The following RAI1 variants were observed in gnomAD, a reference collection of about 807,000 sequenced individuals.
The protein encoded by RAI1 is retinoic acid-induced protein 1.
A neutral mutation model predicts 123.8 loss-of-function variants in RAI1; 9 were observed. The observed-to-expected ratio is 0.07, with a 90% CI of 0.04 to 0.13. The LOEUF (loss-of-function observed/expected upper bound fraction) is 0.13. RAI1 is among the 10% of genes least tolerant of loss of function. The pLI is 1.00. For synonymous variants in RAI1, 1,231 were observed against 1,127.3 expected (o/e 1.09, Z -1.84); for missense variants, 2,256 against 2,545.8 (o/e 0.89, Z 2.45).
rs151001882 is a variant in RAI1, at chr17:17,808,386, A to ATTATTTTATTTTATT, written c.5660-988_5660-974dup. On this transcript the variant is annotated intron_variant, in intron 4 of 5. Transcript: ENST00000353383. ...TTTATTTTATTTTATATTTTATTTT[A>ATTATTTTATTTTATT]TTATTTTATTTTATTTTATTTTATT... is the stretch of plus-strand genomic sequence containing the variant. Among the ~76,000 whole-genome samples the ATTATTTTATTTTATT allele has an allele frequency of 1.1e-3, 139 of 130,086 alleles. 9 individuals are homozygous for ATTATTTTATTTTATT. Among genetic ancestry groups the ATTATTTTATTTTATT allele is most frequent in the African/African-American group, 4.4e-3 (131 of 30,070 alleles). 85.3% of individuals were successfully genotyped at this position (130,086 alleles called of 152,430 possible). A position where few individuals can be genotyped will look rare whatever the true frequency, so the allele number is the denominator to read the frequency against.
chr17:17,770,532 C>T (rs1261160410), intron 2 of RAI1, among the ~76,000 whole-genome samples: 3 of 151,194 alleles, frequency 2.0e-5, no homozygotes, highest in East Asian at 2.0e-4. Context: ...TCTCACGCCC[C>T]GGCTGAGGCC....
intron 2 of RAI1, among the ~76,000 whole-genome samples, chr17:17,766,929 G>A (rs888129139): frequency 5.3e-5 from 8 of 151,874 alleles, no homozygotes; most frequent in Admixed American, 3.3e-4. Context: ...CATGGGTTGC[G>A]AGCAGGAGAG....
chr17:17,773,866 A>G (rs780828538), intron 2 of RAI1, among the ~76,000 whole-genome samples: 6 of 152,224 alleles, frequency 3.9e-5, no homozygotes, highest in Non-Finnish European at 8.8e-5. Flanking sequence ...CCCCATAGCC[A>G]TGAGTTATAA....
intron 2 of RAI1, among the ~76,000 whole-genome samples, chr17:17,758,501 G>C (rs2030542947): frequency 6.6e-6 from 1 of 152,230 alleles, no homozygotes; most frequent in African/African-American, 2.4e-5. Flanking sequence ...TTGTGAGATG[G>C]AGGACAGGAA....
At chr17:17,717,964 A>AG (rs1324727560) in intron 1 of RAI1, among the ~76,000 whole-genome samples, 2 of 152,192 alleles carry the variant, frequency 1.3e-5, no homozygotes, top group Admixed American at 6.5e-5. Flanking sequence ...GCAGTCAAGT[A>AG]GGGAAGGATG....
At position 17,795,782 on chromosome 17, in the gene RAI1, C is replaced by T; in HGVS notation, c.2834C>T (p.Ser945Phe). The T allele has an allele frequency of 6.2e-7, 1 of 1,613,666 alleles. No homozygotes were observed. Among genetic ancestry groups the T allele is most frequent in the Non-Finnish European group, 8.5e-7 (1 of 1,180,028 alleles). ...ESKVQSWFESSLSHMKPGEEG... is the reference protein window; with the variant it reads ...ESKVQSWFESFLSHMKPGEEG... Reference sequence around the variant, plus strand: ...AAGGTCCAGAGCTGGTTTGAGTCCTCTCTGTCACACATGAAGCCAGGTGAA... The same window carrying T: ...AAGGTCCAGAGCTGGTTTGAGTCCTTTCTGTCACACATGAAGCCAGGTGAA... The change falls in exon 3 of 6, where the codon TCT becomes TTT. Residue 945 changes from serine (S) to phenylalanine (F), a missense_variant. Transcript: ENST00000353383. The surrounding 1 kb of genome is among the most constrained non-coding windows in gnomAD (Gnocchi z 5.9).
chr17:17,723,820 C>T (rs1915975511), intron 1 of RAI1, among the ~76,000 whole-genome samples: 1 of 150,112 alleles, frequency 6.7e-6, no homozygotes, highest in African/African-American at 2.5e-5. Flanking sequence ...GATGCGGCCA[C>T]GGGGCCGTCT....
At chr17:17,727,803 G>A (rs1397355980) in intron 2 of RAI1, among the ~76,000 whole-genome samples, 1 of 152,132 alleles carries the variant, frequency 6.6e-6, no homozygotes, top group Non-Finnish European at 1.5e-5. Flanking sequence ...GGGGGATGGG[G>A]TGCACCTTAA....
intron 2 of RAI1, among the ~76,000 whole-genome samples, chr17:17,737,648 C>T (rs557539492): frequency 6.6e-6 from 1 of 152,306 alleles, no homozygotes; most frequent in East Asian, 1.9e-4. Flanking sequence ...ACCTTTCCTC[C>T]AGTCCCCCGC....
intron 1 of RAI1, among the ~76,000 whole-genome samples, chr17:17,709,140 T>A (rs1200736771): frequency 6.6e-6 from 1 of 151,988 alleles, no homozygotes; most frequent in Non-Finnish European, 1.5e-5. Flanking sequence ...ATTATGACAA[T>A]GATGACTGAT....
intron 2 of RAI1, among the ~76,000 whole-genome samples, chr17:17,747,181 C>A (rs2029958985): frequency 6.6e-6 from 1 of 152,174 alleles, no homozygotes; most frequent in South Asian, 2.1e-4. Flanking sequence ...GTCAGTGGAG[C>A]CTCATTTGGG....
intron 2 of RAI1, among the ~76,000 whole-genome samples, chr17:17,791,590 C>T (rs113935696): frequency 3.3e-5 from 5 of 152,372 alleles, no homozygotes; most frequent in African/African-American, 7.2e-5. Flanking sequence ...CCCCTATCCC[C>T]TCCTGGGGGC....
At chr17:17,723,417 C>T (rs906525555) in intron 1 of RAI1, among the ~76,000 whole-genome samples, 2 of 151,230 alleles carry the variant, frequency 1.3e-5, no homozygotes, top group African/African-American at 4.9e-5. Context: ...ACACACGGAC[C>T]TAAACGCACA....
chr17:17,802,602 C>T (rs1407506159), intron 3 of RAI1, among the ~76,000 whole-genome samples: 1 of 152,032 alleles, frequency 6.6e-6, no homozygotes, highest in Non-Finnish European at 1.5e-5. Context: ...CGGAGAAACC[C>T]CGTCTCTACT....
In RAI1 at chr17:17,810,338, T is replaced by G; in HGVS notation, c.*357T>G. 2.8e-6 allele frequency: 1 copy of G among 361,736 alleles called. No individual in the cohort carries two copies. The highest frequency in any genetic ancestry group is 5.0e-6 in the Non-Finnish European group (1 of 199,104). 22.4% of individuals were successfully genotyped at this position (361,736 alleles called of 1,614,324 possible). On this transcript the variant is annotated 3_prime_UTR_variant, in exon 6 of 6. Transcript: ENST00000353383. This position sits in a 1 kb window ranked among gnomAD's most constrained non-coding sequence, Gnocchi z 4.6. The stretch of plus-strand genomic sequence containing the variant: ...AGACGGCTTTGTCCTGGGGACACTT[T>G]CCCTCTGGAATCTCAAGACGACGTG...
intron 1 of RAI1, among the ~76,000 whole-genome samples, chr17:17,706,751 C>T (rs1915407213): frequency 6.6e-6 from 1 of 152,172 alleles, no homozygotes; most frequent in African/African-American, 2.4e-5. Context: ...GAGGGTGGGG[C>T]CTGCCCTGGG....
chr17:17,700,322 T>TG (rs1296624392), intron 1 of RAI1, among the ~76,000 whole-genome samples: 1 of 152,026 alleles, frequency 6.6e-6, no homozygotes, highest in African/African-American at 2.4e-5. Flanking sequence ...GCCCGCCTCC[T>TG]GTCGCCCGGC....
chr17:17,795,268 A>G lies in RAI1; in HGVS notation c.2320A>G (p.Lys774Glu), dbSNP rs757221860. The G allele has an allele frequency of 1.1e-5, 17 of 1,613,816 alleles. No homozygotes were observed. The South Asian group carries it at 1.9e-4, about 18-fold the overall frequency. ...ELTKGLEQGG[K>E]ASDGISKGDT... is the part of the protein sequence containing the mutation. ...TACCAAGGGCCTGGAGCAGGGTGGG[A>G]AGGCCTCAGATGGCATCAGCAAAGG... is the stretch of plus-strand genomic sequence containing the variant. The change falls in exon 3 of 6, where the codon AAG (lysine) becomes GAG (glutamate). Residue 774 changes from lysine to glutamate, a missense_variant. Transcript: ENST00000353383. This position sits in a 1 kb window ranked among gnomAD's most constrained non-coding sequence, Gnocchi z 5.9.
chr17:17,764,780 G>C (rs896449706), intron 2 of RAI1, among the ~76,000 whole-genome samples: 2 of 151,640 alleles, frequency 1.3e-5, no homozygotes, highest in Non-Finnish European at 2.9e-5. Flanking sequence ...TGTATTTTTA[G>C]GGTTTTGCCA....
Sources: allele counts gnomAD v4.1 joint callset (sites outside exome capture counted in the v4.1 genomes callset), GRCh38; gene constraint gnomAD v4.1.1; non-coding constraint Gnocchi (gnomAD v3.1); transcripts MANE v1.5; gene names NCBI Gene and HGNC (gene_info 2026-07-23, HGNC 2026-07-21).